Variants in TMEM233 observed in about 807,000 individuals in gnomAD.
The protein encoded by TMEM233 is dispanin subfamily B member 2.
TMEM233 carries 6 observed loss-of-function variants against 11.2 expected under a neutral mutation model. That is an observed-to-expected ratio of 0.54 (90% confidence interval 0.29 to 1.06). The LOEUF (loss-of-function observed/expected upper bound fraction) is 1.06. TMEM233 is among the 50% of genes least tolerant of loss of function. The pLI is 0.08. For synonymous variants in TMEM233, 59 were observed against 55.8 expected (o/e 1.06, Z -0.26); for missense variants, 127 against 144.7 (o/e 0.88, Z 0.63).
At chr12:119,645,265 G>A (rs147832891), downstream of TMEM233, among the ~76,000 whole-genome samples, 7 of 127,696 alleles carry the variant, frequency 5.5e-5, no homozygotes, top group African/African-American at 1.2e-4. Context: ...ATCTTGATAC[G>A]TAACCCTAGA....
At chr12:119,640,639 G>C (rs1593315281) in intron 2 of TMEM233, 60 bp from the exon 3 acceptor site, 2 of 1,543,188 alleles carry the variant, frequency 1.3e-6, no homozygotes, top group South Asian at 2.4e-5. Context: ...AGCTGGGAAA[G>C]CCAACCACAG....
chr12:119,613,954 G>A (rs1441286662), intron 1 of TMEM233, among the ~76,000 whole-genome samples: 1 of 151,944 alleles, frequency 6.6e-6, no homozygotes, highest in African/African-American at 2.4e-5. Context: ...GGACACAGAC[G>A]GGGGCAGGAA....
In TMEM233 at chr12:119,593,911, C is replaced by T; in HGVS notation, c.63C>T (p.Asn21=). 6.4e-7 allele frequency: 1 copy of T among 1,551,766 alleles called. No individual in the cohort carries two copies. The highest frequency in any genetic ancestry group is 2.4e-5 in the East Asian group (1 of 40,922). Reference sequence around the variant, plus strand: ...CTTTGGACAGCAGTCCCGAGGCCAACACTGAAGATGACAAGACCGAGGAGG... The same window carrying T: ...CTTTGGACAGCAGTCCCGAGGCCAATACTGAAGATGACAAGACCGAGGAGG... ...KRALDSSPEA[N]TEDDKTEEDV... is the part of the protein sequence containing the mutation. The change falls in exon 1 of 3, where the codon AAC becomes AAT. Residue 21 remains asparagine, a synonymous_variant. Coordinates refer to ENST00000426426, the MANE Select transcript of TMEM233 (RefSeq NM_001136534.3). This position sits in a 1 kb window ranked among gnomAD's most constrained non-coding sequence, Gnocchi z 4.1.
chr12:119,620,907 G>T (rs1954627777), intron 1 of TMEM233, among the ~76,000 whole-genome samples: 1 of 152,108 alleles, frequency 6.6e-6, no homozygotes. Flanking sequence ...CAGATACAGG[G>T]TCTTGCTCTG....
At chr12:119,609,447 G>A (rs1336556046) in intron 1 of TMEM233, among the ~76,000 whole-genome samples, 1 of 152,234 alleles carries the variant, frequency 6.6e-6, no homozygotes, top group Non-Finnish European at 1.5e-5. Flanking sequence ...GGAGCCAAAT[G>A]TTAATCACCA....
At chr12:119,652,018 A>G in the TMEM233 span, among the ~76,000 whole-genome samples, 279 of 152,284 alleles carry the variant, frequency 1.8e-3, no homozygotes, top group Non-Finnish European at 2.9e-3. Context: ...TATTAATCAG[A>G]CTACCAAAAA....
At chr12:119,611,099 T>C (rs1954390246) in intron 1 of TMEM233, among the ~76,000 whole-genome samples, 1 of 152,234 alleles carries the variant, frequency 6.6e-6, no homozygotes, top group South Asian at 2.1e-4. Context: ...ATTGGATTGA[T>C]TCCATTTTTG....
At chr12:119,650,137 A>G in the TMEM233 span, among the ~76,000 whole-genome samples, 123,585 of 146,706 alleles carry the variant, frequency 0.84, 52,328 homozygotes, top group African/African-American at 0.89. Context: ...CAGCCTGGGC[A>G]ATAGAGCAAG....
intron 1 of TMEM233, among the ~76,000 whole-genome samples, chr12:119,617,372 T>C (rs1054345337): frequency 6.6e-6 from 1 of 152,152 alleles, no homozygotes; most frequent in Non-Finnish European, 1.5e-5. Flanking sequence ...ACTCTTGCTA[T>C]GCAAACAGAC....
At chr12:119,610,965 C>T (rs562581201) in intron 1 of TMEM233, among the ~76,000 whole-genome samples, 38 of 152,138 alleles carry the variant, frequency 2.5e-4, no homozygotes, top group Non-Finnish European at 5.0e-4. Context: ...TTTCACTTAG[C>T]ATCCTGTTTT....
intron 2 of TMEM233, among the ~76,000 whole-genome samples, chr12:119,635,318 C>A (rs1201922280): frequency 2.0e-5 from 3 of 152,158 alleles, no homozygotes; most frequent in African/African-American, 7.2e-5. Flanking sequence ...ACCCCATTTC[C>A]TGAGTAGCCT....
At chr12:119,651,319 A>C in the TMEM233 span, among the ~76,000 whole-genome samples, 1 of 152,204 alleles carries the variant, frequency 6.6e-6, no homozygotes, top group African/African-American at 2.4e-5. Context: ...GTAGCTCTTC[A>C]GGCTACAAAC....
chr12:119,620,415 T>A (rs763009594), intron 1 of TMEM233, among the ~76,000 whole-genome samples: 35 of 152,162 alleles, frequency 2.3e-4, no homozygotes, highest in Non-Finnish European at 4.3e-4. Flanking sequence ...TTCCTAGAAA[T>A]TCACCAAAAG....
At chr12:119,643,320 C>T (rs555750807), downstream of TMEM233, among the ~76,000 whole-genome samples, 107 of 152,288 alleles carry the variant, frequency 7.0e-4, no homozygotes, top group Non-Finnish European at 8.7e-4. Flanking sequence ...TAAATGTGCT[C>T]CTTGGGGTCA....
At chr12:119,653,876 A>T in the TMEM233 span, among the ~76,000 whole-genome samples, 1 of 152,036 alleles carries the variant, frequency 6.6e-6, no homozygotes, top group Admixed American at 6.6e-5. Flanking sequence ...ATAAAAGGAG[A>T]GAAAGAATGG....
chr12:119,647,795 C>A (rs537773772), downstream of TMEM233, among the ~76,000 whole-genome samples: 127 of 144,670 alleles, frequency 8.8e-4, no homozygotes, highest in African/African-American at 3.2e-3. Flanking sequence ...CCCCGACAGG[C>A]CCCAGTGTGT....
chr12:119,653,985 A>G, the TMEM233 span, among the ~76,000 whole-genome samples: 1 of 142,678 alleles, frequency 7.0e-6, no homozygotes, highest in African/African-American at 2.5e-5. Flanking sequence ...AAAAAAAAAA[A>G]CAAAAACCCA....
intron 1 of TMEM233, among the ~76,000 whole-genome samples, chr12:119,596,071 T>C (rs946732072): frequency 6.6e-6 from 1 of 152,166 alleles, no homozygotes; most frequent in Non-Finnish European, 1.5e-5. Context: ...AGCCGTCGCA[T>C]CCGGTTCCTT....
At chr12:119,653,167 A>T in the TMEM233 span, among the ~76,000 whole-genome samples, 2 of 151,966 alleles carry the variant, frequency 1.3e-5, no homozygotes, top group African/African-American at 4.8e-5. Context: ...GCCGAGGTGG[A>T]TGGATCACGA....
Sources: allele counts gnomAD v4.1 joint callset (sites outside exome capture counted in the v4.1 genomes callset), GRCh38; gene constraint gnomAD v4.1.1; non-coding constraint Gnocchi (gnomAD v3.1); transcripts MANE v1.5; gene names NCBI Gene and HGNC (gene_info 2026-07-23, HGNC 2026-07-21).